BRCC3: variants seen among roughly 807,000 people sequenced by gnomAD.
BRCC3 encodes lys-63-specific deubiquitinase BRCC36.
In BRCC3, 15 loss-of-function variants were observed where a neutral mutation model predicts 28.0. The observed-to-expected ratio is 0.54, with a 90% CI of 0.36 to 0.82. The LOEUF (loss-of-function observed/expected upper bound fraction) is 0.82. Among genes scored for constraint, BRCC3 ranks in the 40% least tolerant of loss-of-function variants. The pLI is 0.01. For synonymous variants in BRCC3, 66 were observed against 80.3 expected (o/e 0.82, Z 0.95); for missense variants, 109 against 225.9 (o/e 0.48, Z 3.32).
chrX:155,083,947 C>G (rs1217133524), intron 5 of BRCC3, among the ~76,000 whole-genome samples: 2 of 112,175 alleles, frequency 1.8e-5, no homozygotes, highest in African/African-American at 6.5e-5. Context: ...TAGTAAGCAG[C>G]AGACCCAGTA....
intron 7 of BRCC3, among the ~76,000 whole-genome samples, chrX:155,102,693 T>C (rs112264106): frequency 0.037 from 4,184 of 112,285 alleles, 73 homozygotes; most frequent in African/African-American, 0.062. Flanking sequence ...TCTTTCACCA[T>C]TAAGTATGAT....
intron 7 of BRCC3, among the ~76,000 whole-genome samples, chrX:155,115,213 T>C (rs1318925029): frequency 8.9e-6 from 1 of 112,081 alleles, no homozygotes; most frequent in Non-Finnish European, 1.9e-5. Flanking sequence ...ACTGAAAATA[T>C]ATGATTTTAG....
intron 2 of BRCC3, 45 bp downstream of exon 2, chrX:155,072,388 T>C (rs1557292755): frequency 1.9e-6 from 2 of 1,058,959 alleles, no homozygotes; most frequent in Admixed American, 2.3e-5. Context: ...CTCTAAGTCA[T>C]TGTTAACCTA....
intron 9 of BRCC3, among the ~76,000 whole-genome samples, chrX:155,117,586 A>C (rs1557298978): frequency 8.9e-6 from 1 of 111,798 alleles, no homozygotes; most frequent in African/African-American, 3.3e-5. Flanking sequence ...AGGATAAAAC[A>C]TGACAGAGTT....
intron 7 of BRCC3, among the ~76,000 whole-genome samples, chrX:155,093,940 T>G (rs994802754): frequency 4.5e-5 from 5 of 111,676 alleles, no homozygotes; most frequent in Non-Finnish European, 9.4e-5. Flanking sequence ...CAAGAGTTTT[T>G]TCTACATTTG....
chrX:155,077,651 A>G (rs1453783822), intron 4 of BRCC3, among the ~76,000 whole-genome samples: 3 of 111,161 alleles, frequency 2.7e-5, no homozygotes, highest in Non-Finnish European at 5.7e-5. Context: ...CTTGGTCTCT[A>G]TCCTCTTGAG....
Position 155,071,560 on chromosome X carries a change from G to A in BRCC3, c.33G>A (p.Ala11=). 1 of 1,206,387 alleles carries A rather than the reference G, an allele frequency of 8.3e-7. No homozygotes were observed. Among genetic ancestry groups the A allele is most frequent in the Non-Finnish European group, 1.1e-6 (1 of 891,839 alleles). Residue 11 remains alanine, a synonymous_variant, in exon 1 of 11, where the codon GCG becomes GCA. Coordinates refer to ENST00000330045, the MANE Select transcript of BRCC3 (RefSeq NM_001018055.3). MAVQVVQAVQ[A]VHLESDAFLV... is the part of the protein sequence containing the mutation. ...TGCAGGTGGTGCAGGCGGTGCAGGC[G>A]GTTCATCTCGAGTCTGACGCTTTCC...
chrX:155,074,939 A>G (rs1557293252), intron 3 of BRCC3, among the ~76,000 whole-genome samples: 1 of 112,384 alleles, frequency 8.9e-6, no homozygotes, highest in African/African-American at 3.2e-5. Flanking sequence ...ATAAACCACA[A>G]AAAAAGAAAT....
At chrX:155,071,772 C>T in intron 1 of BRCC3, 122 bp downstream of exon 1, 1 of 815,887 alleles carries the variant, frequency 1.2e-6, no homozygotes, top group Non-Finnish European at 1.7e-6. Flanking sequence ...GGTCCTTGGA[C>T]ACCCTTTACA....
intron 7 of BRCC3, among the ~76,000 whole-genome samples, chrX:155,097,600 A>T (rs185438553): frequency 1.3e-3 from 144 of 112,509 alleles, no homozygotes; most frequent in African/African-American, 4.5e-3. Flanking sequence ...AAGGTGTTTT[A>T]AAAAACCAGA....
intron 8 of BRCC3, among the ~76,000 whole-genome samples, chrX:155,116,450 T>A (rs1361756677): frequency 8.9e-6 from 1 of 112,025 alleles, no homozygotes; most frequent in Non-Finnish European, 1.9e-5. Flanking sequence ...ATCCACAACA[T>A]CTTAATCCTG....
At chrX:155,099,467 A>G in intron 7 of BRCC3, 2 of 1,143,916 alleles carry the variant, frequency 1.7e-6, no homozygotes, top group Non-Finnish European at 2.3e-6. Flanking sequence ...CCCAGAAAAC[A>G]ATTCCACTTC....
Position 155,122,746 on chromosome X carries a change from T to C in BRCC3, c.*1542T>C, listed in dbSNP as rs2074395302. The C allele has an allele frequency of 9.0e-6, 1 of 111,102 alleles. No individual in the cohort carries two copies. Among genetic ancestry groups the C allele is most frequent in the Non-Finnish European group, 1.9e-5 (1 of 52,984 alleles). 9.2% of individuals were successfully genotyped at this position (111,102 alleles called of 1,213,427 possible). ...GAACAAAAAAAAAACCAGTCTCAAA[T>C]GGTCACATACTGTATGATCGCATTT... On this transcript the variant is annotated 3_prime_UTR_variant, in exon 11 of 11. Transcript: ENST00000330045.
At chrX:155,104,544 C>T (rs970297274) in intron 7 of BRCC3, among the ~76,000 whole-genome samples, 6 of 112,211 alleles carry the variant, frequency 5.3e-5, no homozygotes, top group Non-Finnish European at 9.4e-5. Flanking sequence ...TTGGAGTTCA[C>T]TGGAGGGTCT....
At position 155,114,745 on chromosome X, in the gene BRCC3, AAG is replaced by A. The variant is rs782411528; in HGVS notation, c.549-1308_549-1307del. 6.9e-4 allele frequency among the ~76,000 whole-genome samples: 76 copies of A among 110,794 alleles called. 1 individual carries two copies. Among genetic ancestry groups the A allele is most frequent in the Non-Finnish European group, 9.5e-4 (50 of 52,797 alleles). ...AATGAAGCAAAGAGTTAAAAAAAAAAAGAGAATGAAATAGAAGAATGGCATGT... is the reference window on the plus strand; with the variant it reads ...AATGAAGCAAAGAGTTAAAAAAAAAAAGAATGAAATAGAAGAATGGCATGT... On this transcript the variant is annotated intron_variant, in intron 7 of 10. Coordinates refer to ENST00000330045, the MANE Select transcript of BRCC3 (RefSeq NM_001018055.3).
rs188212221 is a variant in BRCC3 at position 155,110,007 on chromosome X, A to T, written c.549-6050A>T. Reference sequence around the variant, plus strand: ...CTGCATTTATTAAGATAATCATATGATTATTTGCCTTAATGTGGTAAGTCG... The same window carrying T: ...CTGCATTTATTAAGATAATCATATGTTTATTTGCCTTAATGTGGTAAGTCG... On this transcript the variant is annotated intron_variant, in intron 7 of 10. Transcript: ENST00000330045. Among the ~76,000 whole-genome samples, 224 of 111,697 alleles carry T rather than the reference A, an allele frequency of 2.0e-3. 1 individual carries two copies. The highest frequency in any genetic ancestry group is 3.2e-3 in the Non-Finnish European group (170 of 52,861).
rs147568328 is a variant in BRCC3, at chrX:155,099,808, G to A, written c.548+8969G>A. ...TTGGTTTTAAGCAATCAGGACATTC[G>A]TCTCTTAATAGGTGAATGTCATACA... On this transcript the variant is annotated intron_variant, in intron 7 of 10. Coordinates refer to ENST00000330045, the MANE Select transcript of BRCC3 (RefSeq NM_001018055.3). Among the ~76,000 whole-genome samples the A allele has an allele frequency of 1.8e-3, 206 of 111,564 alleles. 1 individual carries two copies. Among genetic ancestry groups the A allele is most frequent in the African/African-American group, 6.5e-3 (200 of 30,634 alleles).
At chrX:155,110,870 A>T (rs1417477545) in intron 7 of BRCC3, among the ~76,000 whole-genome samples, 1 of 111,443 alleles carries the variant, frequency 9.0e-6, no homozygotes, top group African/African-American at 3.3e-5. Context: ...TGTAAATAAC[A>T]GGCAGATTGG....
intron 5 of BRCC3, among the ~76,000 whole-genome samples, chrX:155,088,277 T>C (rs1187490211): frequency 4.5e-5 from 5 of 112,156 alleles, no homozygotes; most frequent in Admixed American, 1.9e-4. Flanking sequence ...CAGTGTTTCA[T>C]TGTGACACCT....
Sources: gnomAD v4.1 joint callset for allele counts (sites outside exome capture counted in the v4.1 genomes callset) on GRCh38, gnomAD v4.1.1 for gene constraint, MANE v1.5 for transcripts, NCBI Gene and HGNC (gene_info 2026-07-23, HGNC 2026-07-21) for gene names.